Variants in BIRC7 observed in about 807,000 individuals in gnomAD.
BIRC7 encodes baculoviral IAP repeat-containing protein 7.
Under a neutral mutation model 33.2 loss-of-function variants are expected in BIRC7, and 26 were observed. That is an observed-to-expected ratio of 0.78 (90% confidence interval 0.57 to 1.09). The LOEUF is 1.09. Ranked by LOEUF, BIRC7 falls within the 50% of genes least tolerant of loss-of-function variation. The pLI is 0.00. For missense variants in BIRC7, 409 were observed against 401.2 expected (o/e 1.02, Z -0.17); for synonymous variants, 176 against 171.0 (o/e 1.03, Z -0.23).
chr20:63,236,179 A>G lies in BIRC7; in HGVS notation c.83A>G (p.Glu28Gly), dbSNP rs1199737778. The change falls in exon 1 of 7, where the codon GAG becomes GGG. Residue 28 changes from glutamate to glycine, a missense_variant. Transcript: ENST00000217169. ...HWAAGDGPTQ[E>G]RCGPRSLGSP... ...GCAGCCGGTGATGGTCCCACGCAGGAGCGCTGTGGACCCCGCTCTCTGGGC... is the reference window on the plus strand; with the variant it reads ...GCAGCCGGTGATGGTCCCACGCAGGGGCGCTGTGGACCCCGCTCTCTGGGC... 1 of 1,590,442 alleles carries G rather than the reference A, an allele frequency of 6.3e-7. No individual in the cohort carries two copies. Among genetic ancestry groups the G allele is most frequent in the East Asian group, 2.3e-5 (1 of 43,732 alleles).
chr20:63,237,834 G>T (rs919667316), intron 1 of BIRC7, 69 bp from the exon 2 acceptor site: 3 of 1,383,578 alleles, frequency 2.2e-6, no homozygotes, highest in South Asian at 1.4e-5. Context: ...TCATAGCCTT[G>T]GAAGGACACA....
chr20:63,238,405 C>T lies in BIRC7; in HGVS notation c.459C>T (p.Phe153=). 6.2e-7 allele frequency: 1 copy of T among 1,611,784 alleles called. No individual in the cohort carries two copies. The highest frequency in any genetic ancestry group is 1.7e-5 in the Admixed American group (1 of 60,008). Residue 153 remains phenylalanine (F), a synonymous_variant, in exon 3 of 7, where the codon TTC becomes TTT. Transcript: ENST00000217169. ...EHAKWFPSCQ[F]LLRSKGRDFV... ...TCTGGGGCATCTGCAGCTGTCAGTT[C>T]CTGCTCCGGTCAAAAGGAAGAGACT... is the stretch of plus-strand genomic sequence containing the variant.
chr20:63,236,595 A>G, intron 1 of BIRC7, 150 bp downstream of exon 1: 1 of 1,283,244 alleles, frequency 7.8e-7, no homozygotes, highest in Non-Finnish European at 1.0e-6. Flanking sequence ...AAGCCCCTCC[A>G]GTGCCCATGG....
At chr20:63,237,312 C>T (rs574528125) in intron 1 of BIRC7, among the ~76,000 whole-genome samples, 4 of 152,318 alleles carry the variant, frequency 2.6e-5, no homozygotes, top group Admixed American at 6.5e-5. Flanking sequence ...GGTGCAGAGC[C>T]GGGGTCTTTG....
Position 63,236,065 on chromosome 20 carries a change from C to T in BIRC7, c.-32C>T. 1.3e-6 allele frequency: 2 copies of T among 1,488,470 alleles called. No individual in the cohort carries two copies. Among genetic ancestry groups the T allele is most frequent in the Non-Finnish European group, 1.8e-6 (2 of 1,108,762 alleles). 92.2% of individuals were successfully genotyped at this position (1,488,470 alleles called of 1,614,324 possible). A position where few individuals can be genotyped will look rare whatever the true frequency, so the allele number is the denominator to read the frequency against. ...GATTGGCCATCAGCCCCCATTTCTG[C>T]TGCAAACCTGGTCAGAGCCAGTGTT... is the stretch of plus-strand genomic sequence containing the variant. On this transcript the variant is annotated 5_prime_UTR_variant, in exon 1 of 7. Transcript: ENST00000217169.
chr20:63,237,827 T>C (rs2029882751), intron 1 of BIRC7, 76 bp from the exon 2 acceptor site: 3 of 1,249,902 alleles, frequency 2.4e-6, no homozygotes, highest in Non-Finnish European at 2.2e-6. Flanking sequence ...GAAGCTCTCA[T>C]AGCCTTGGAA....
chr20:63,236,460 G>A lies in BIRC7; in HGVS notation c.349+15G>A, dbSNP rs759072139. On this transcript the variant is annotated intron_variant, in intron 1 of 6. Coordinates refer to ENST00000217169, the MANE Select transcript of BIRC7 (RefSeq NM_139317.3). ...CTTCCACACAGGTCAGTCCCGGGCG[G>A]GGGGGCCTTCCTGCCGTGGGCCTGG... 2.0e-6 allele frequency: 3 copies of A among 1,508,834 alleles called. No homozygotes were observed. The highest frequency in any genetic ancestry group is 2.7e-6 in the Non-Finnish European group (3 of 1,131,942). The allele number at this position is 1,508,834 out of a possible 1,614,324, so 93.5% of individuals were successfully genotyped here.
chr20:63,235,997 C>G lies in BIRC7; in HGVS notation c.-100C>G, dbSNP rs984593320. The G allele has an allele frequency of 7.1e-7, 1 of 1,409,972 alleles. No individual in the cohort carries two copies. Among genetic ancestry groups the G allele is most frequent in the African/African-American group, 1.4e-5 (1 of 69,344 alleles). The allele number at this position is 1,409,972 out of a possible 1,614,324, so 87.3% of individuals were successfully genotyped here. A position where few individuals can be genotyped will look rare whatever the true frequency, so the allele number is the denominator to read the frequency against. On this transcript the variant is annotated 5_prime_UTR_variant, in exon 1 of 7. Transcript: ENST00000217169. ...TCCCTGCTGTCCCCAGGGTGGGCCC[C>G]GGGGGTCAGGAGCTCCAGAAGGGCC...
Position 63,239,570 on chromosome 20 carries a change from C to T in BIRC7, c.862C>T (p.Pro288Ser). Residue 288 changes from proline (P) to serine (S), a missense_variant, in exon 6 of 7, where the codon CCC becomes TCC. Transcript: ENST00000217169. ...GLQLCPICRA[P>S]VRSRVRTFLS ...GCAGCTGTGCCCCATCTGCAGAGCC[C>T]CCGTCCGCAGCCGCGTGCGCACCTT... 1 of 1,601,260 alleles carries T rather than the reference C, an allele frequency of 6.2e-7. No individual in the cohort carries two copies.
In BIRC7 at chr20:63,239,475, T is replaced by C; in HGVS notation, c.767T>C (p.Leu256Pro). 4 of 1,607,002 alleles carry C rather than the reference T, an allele frequency of 2.5e-6. No homozygotes were observed. Among genetic ancestry groups the C allele is most frequent in the Non-Finnish European group, 2.5e-6 (3 of 1,179,870 alleles). The change falls in exon 6 of 7, where the codon CTG (leucine) becomes CCG (proline). Residue 256 changes from leucine to proline, a missense_variant. Physicochemically the swap from Leu to Pro is moderately conservative, Grantham distance 98. Transcript: ENST00000217169. ...GAGGAGAGGACGTGCAAGGTGTGCC[T>C]GGACCGCGCCGTGTCCATCGTCTTT... ...LQEERTCKVC[L>P]DRAVSIVFVP... is the part of the protein sequence containing the mutation.
chr20:63,236,552 G>A (rs2068127868), intron 1 of BIRC7, 107 bp downstream of exon 1: 1 of 1,396,438 alleles, frequency 7.2e-7, no homozygotes, highest in African/African-American at 1.4e-5. Context: ...CCAACAGGAA[G>A]GGTCTGGCCT....
In BIRC7 at chr20:63,239,511, G is replaced by A. The variant is rs1452415650; in HGVS notation, c.803G>A (p.Gly268Asp). The A allele has an allele frequency of 6.2e-7, 1 of 1,606,060 alleles. No homozygotes were observed. Among genetic ancestry groups the A allele is most frequent in the Non-Finnish European group, 8.5e-7 (1 of 1,179,816 alleles). ...RAVSIVFVPC[G>D]HLVCAECAPG... ...GTGTCCATCGTCTTTGTGCCGTGCGGCCACCTGGTCTGTGCTGAGTGTGCC... is the reference window on the plus strand; with the variant it reads ...GTGTCCATCGTCTTTGTGCCGTGCGACCACCTGGTCTGTGCTGAGTGTGCC... Residue 268 changes from glycine to aspartate, a missense_variant, in exon 6 of 7, where the codon GGC becomes GAC. Transcript: ENST00000217169.
Position 63,239,481 on chromosome 20 carries a change from G to T in BIRC7, c.773G>T (p.Arg258Leu). ...EERTCKVCLD[R>L]AVSIVFVPCG... ...AGGACGTGCAAGGTGTGCCTGGACC[G>T]CGCCGTGTCCATCGTCTTTGTGCCG... is the stretch of plus-strand genomic sequence containing the variant. Residue 258 changes from arginine (R) to leucine (L), a missense_variant, in exon 6 of 7, where the codon CGC (arginine) becomes CTC (leucine). Coordinates refer to ENST00000217169, the MANE Select transcript of BIRC7 (RefSeq NM_139317.3). 6.2e-7 allele frequency: 1 copy of T among 1,606,878 alleles called. No homozygotes were observed.
At position 63,236,330 on chromosome 20, in the gene BIRC7, G is replaced by T. The variant is rs1355266648; in HGVS notation, c.234G>T (p.Gly78=). ...EEGAGATLSR[G]PAFPGMGSEE... Reference sequence around the variant, plus strand: ...GCGCCGGGGCCACCTTGTCCAGGGGGCCTGCCTTCCCCGGCATGGGCTCTG... The same window carrying T: ...GCGCCGGGGCCACCTTGTCCAGGGGTCCTGCCTTCCCCGGCATGGGCTCTG... The change falls in exon 1 of 7, where the codon GGG becomes GGT. Residue 78 remains glycine (G), a synonymous_variant. Coordinates refer to ENST00000217169, the MANE Select transcript of BIRC7 (RefSeq NM_139317.3). The T allele has an allele frequency of 1.9e-6, 3 of 1,605,588 alleles. No individual in the cohort carries two copies. The highest frequency in any genetic ancestry group is 2.6e-6 in the Non-Finnish European group (3 of 1,174,820).
chr20:63,239,936 G>A (rs926936929), intron 6 of BIRC7, among the ~76,000 whole-genome samples: 4 of 152,268 alleles, frequency 2.6e-5, no homozygotes, highest in Non-Finnish European at 1.5e-5. Flanking sequence ...TGGGGAAACA[G>A]GGTGGGCCAG....
chr20:63,240,141 C>T (rs2066726569), intron 6 of BIRC7, 115 bp from the exon 7 acceptor site: 1 of 157,114 alleles, frequency 6.4e-6, no homozygotes, highest in Non-Finnish European at 1.4e-5. Flanking sequence ...CGGGATGTGT[C>T]TGAAGATCTG....
At chr20:63,238,661 T>C in intron 4 of BIRC7, 47 bp downstream of exon 4, 1 of 1,606,244 alleles carries the variant, frequency 6.2e-7, no homozygotes. Flanking sequence ...GCCTGCAGCC[T>C]GTGCTTGGCC....
chr20:63,237,039 C>T (rs942118355), intron 1 of BIRC7, among the ~76,000 whole-genome samples: 11 of 152,250 alleles, frequency 7.2e-5, no homozygotes, highest in African/African-American at 2.4e-4. Context: ...GAGTTCAGGT[C>T]CCAGCTCTGC....
chr20:63,237,772 C>G (rs1601255273), intron 1 of BIRC7, 131 bp from the exon 2 acceptor site: 2 of 677,610 alleles, frequency 3.0e-6, no homozygotes, highest in Non-Finnish European at 4.7e-6. Context: ...AAGCCCCCTG[C>G]CCACCCCCTC....
Sources: allele counts gnomAD v4.1 joint callset (sites outside exome capture counted in the v4.1 genomes callset), GRCh38; gene constraint gnomAD v4.1.1; transcripts MANE v1.5; gene names NCBI Gene and HGNC (gene_info 2026-07-23, HGNC 2026-07-21).